SMYD3: variants seen among roughly 807,000 people sequenced by gnomAD.
SMYD3 encodes histone-lysine N-methyltransferase SMYD3.
SMYD3 carries 36 observed loss-of-function variants against 57.7 expected under a neutral mutation model. That is an observed-to-expected ratio of 0.62 (90% CI 0.48 to 0.82). SMYD3 has a LOEUF of 0.82. SMYD3 is among the 40% of genes least tolerant of loss of function. The pLI is 0.00. For synonymous variants in SMYD3, 211 were observed against 195.0 expected (o/e 1.08, Z -0.68); for missense variants, 515 against 538.8 (o/e 0.96, Z 0.44).
chr1:246,408,663 C>A (rs1334684782), intron 1 of SMYD3, among the ~76,000 whole-genome samples: 1 of 65,534 alleles, frequency 1.5e-5, no homozygotes, highest in Non-Finnish European at 2.8e-5. Context: ...AGAAGCAAGT[C>A]TTTTTTTTTT....
At chr1:245,926,892 T>C (rs10754487) in intron 7 of SMYD3, among the ~76,000 whole-genome samples, 102,178 of 152,184 alleles carry the variant, frequency 0.67, 40,351 homozygotes, top group Non-Finnish European at 0.89. Context: ...ACATTGTCCA[T>C]CTCACTGACA....
At chr1:246,436,736 C>T (rs893196838) in intron 1 of SMYD3, among the ~76,000 whole-genome samples, 5 of 152,164 alleles carry the variant, frequency 3.3e-5, no homozygotes, top group African/African-American at 9.7e-5. Flanking sequence ...AACATGCTCC[C>T]GCCCCCAAGG....
intron 10 of SMYD3, among the ~76,000 whole-genome samples, chr1:245,850,373 T>C (rs1339949865): frequency 6.6e-6 from 1 of 152,104 alleles, no homozygotes; most frequent in Non-Finnish European, 1.5e-5. Context: ...ATAGTAAAGG[T>C]AGGTGAGAGT....
chr1:245,918,090 A>G (rs933466795), intron 7 of SMYD3, among the ~76,000 whole-genome samples: 17 of 152,328 alleles, frequency 1.1e-4, no homozygotes, highest in African/African-American at 2.4e-4. Context: ...ACCATCACCA[A>G]CGGGACAGGA....
intron 1 of SMYD3, among the ~76,000 whole-genome samples, chr1:246,375,119 G>A (rs1442141064): frequency 1.3e-5 from 2 of 151,916 alleles, no homozygotes; most frequent in African/African-American, 2.4e-5. Flanking sequence ...AAAATAAGGT[G>A]TCTTTAAAAA....
intron 1 of SMYD3, among the ~76,000 whole-genome samples, chr1:246,485,446 G>A (rs927646064): frequency 6.6e-6 from 1 of 152,054 alleles, no homozygotes; most frequent in Admixed American, 6.6e-5. Context: ...AATTACTGTT[G>A]ACATGTGAAA....
chr1:246,253,431 G>A (rs1253376435), intron 5 of SMYD3, among the ~76,000 whole-genome samples: 2 of 152,178 alleles, frequency 1.3e-5, no homozygotes, highest in Non-Finnish European at 1.5e-5. Flanking sequence ...CATCCAGGTT[G>A]CTGCAAAGGA....
intron 5 of SMYD3, among the ~76,000 whole-genome samples, chr1:246,104,826 T>C (rs2061088103): frequency 6.6e-6 from 1 of 152,120 alleles, no homozygotes; most frequent in Non-Finnish European, 1.5e-5. Context: ...TCCCCAACCC[T>C]TGCGTTCCCC....
At position 246,208,991 on chromosome 1, in the gene SMYD3, G is replaced by A. The variant is rs188073099; in HGVS notation, c.531+118210C>T. Among the ~76,000 whole-genome samples the A allele has an allele frequency of 1.7e-3, 260 of 152,198 alleles. 6 individuals are homozygous for A. The highest frequency in any genetic ancestry group is 5.6e-3 in the African/African-American group (232 of 41,498). On this transcript the variant is annotated intron_variant, in intron 5 of 11. Transcript: ENST00000490107. ...ATATATTATTTCGCTGTTGAGTATA[G>A]TCTGAAATGAGGGCAACTAATTTAA... is the stretch of plus-strand genomic sequence containing the variant.
intron 1 of SMYD3, among the ~76,000 whole-genome samples, chr1:246,455,021 A>G (rs2067681918): frequency 6.6e-6 from 1 of 152,228 alleles, no homozygotes; most frequent in African/African-American, 2.4e-5. Flanking sequence ...GATAATTCAC[A>G]TTAATTCAGC....
At chr1:246,260,532 C>T (rs1317907624) in intron 5 of SMYD3, among the ~76,000 whole-genome samples, 1 of 151,942 alleles carries the variant, frequency 6.6e-6, no homozygotes, top group Admixed American at 6.6e-5. Context: ...CTCACTGCAA[C>T]CTCTGCCTCC....
chr1:246,322,207 A>T (rs2065260749), intron 5 of SMYD3: 1 of 152,358 alleles, frequency 6.6e-6, no homozygotes, highest in Admixed American at 6.5e-5. Context: ...CTCTACTAAA[A>T]ATACAAAAAT....
At chr1:246,344,059 GTTT>G (rs761072124) in intron 2 of SMYD3, among the ~76,000 whole-genome samples, 1 of 151,906 alleles carries the variant, frequency 6.6e-6, no homozygotes, top group Non-Finnish European at 1.5e-5. Flanking sequence ...ATAAATTTTT[GTTT>G]TTTTGAGATG....
intron 5 of SMYD3, among the ~76,000 whole-genome samples, chr1:246,175,892 TA>T (rs2062426195): frequency 6.6e-6 from 1 of 152,318 alleles, no homozygotes; most frequent in African/African-American, 2.4e-5. Flanking sequence ...AGACACAGAA[TA>T]AAAACTTTTT....
At chr1:246,016,075 C>A (rs1303763971) in intron 5 of SMYD3, among the ~76,000 whole-genome samples, 1 of 151,992 alleles carries the variant, frequency 6.6e-6, no homozygotes, top group African/African-American at 2.4e-5. Flanking sequence ...CCGTCAGTGG[C>A]GGACAGAAAA....
intron 3 of SMYD3, among the ~76,000 whole-genome samples, chr1:246,331,576 A>T (rs937455767): frequency 2.0e-5 from 3 of 152,012 alleles, no homozygotes; most frequent in African/African-American, 7.3e-5. Flanking sequence ...AAAAGAACAA[A>T]TTTTTTTGTC....
intron 5 of SMYD3, among the ~76,000 whole-genome samples, chr1:245,981,109 T>A (rs1487631190): frequency 6.6e-6 from 1 of 152,230 alleles, no homozygotes; most frequent in Non-Finnish European, 1.5e-5. Context: ...AGAAACCTTG[T>A]TTATCTGGGT....
At chr1:246,295,579 T>C (rs2064777598) in intron 5 of SMYD3, among the ~76,000 whole-genome samples, 1 of 151,902 alleles carries the variant, frequency 6.6e-6, no homozygotes, top group Non-Finnish European at 1.5e-5. Context: ...TGGTATTCTG[T>C]TATATTTCTC....
chr1:246,119,434 A>G (rs2061391389), intron 5 of SMYD3, among the ~76,000 whole-genome samples: 1 of 143,598 alleles, frequency 7.0e-6, no homozygotes, highest in Non-Finnish European at 1.5e-5. Flanking sequence ...TTTTTTTGAG[A>G]TGGAATCTCA....
Sources: gnomAD v4.1 joint callset for allele counts (sites outside exome capture counted in the v4.1 genomes callset) on GRCh38, gnomAD v4.1.1 for gene constraint, MANE v1.5 for transcripts, NCBI Gene and HGNC (gene_info 2026-07-23, HGNC 2026-07-21) for gene names.